The following PDE7B variants were observed in gnomAD, a reference collection of about 807,000 sequenced individuals.
PDE7B encodes phosphodiesterase 7B, also known as 3',5'-cyclic-AMP phosphodiesterase 7B.
A neutral mutation model predicts 56.2 loss-of-function variants in PDE7B; 29 were observed. The ratio of observed to expected loss-of-function variants is 0.52; its 90% CI spans 0.38 to 0.70. The LOEUF (loss-of-function observed/expected upper bound fraction) is 0.70, where lower values mean the gene tolerates loss of function less well. Ranked by LOEUF, PDE7B falls within the 30% of genes least tolerant of loss-of-function variation. The pLI, the probability that PDE7B is intolerant of heterozygous loss-of-function variation, is 0.00. For synonymous variants in PDE7B, 197 were observed against 196.9 expected (o/e 1.00, Z 0.00); for missense variants, 490 against 565.0 (o/e 0.87, Z 1.35).
rs985315426 is a variant in PDE7B, at chr6:136,147,267, T to C, written c.167-84T>C. The C allele has an allele frequency of 6.0e-6, 5 of 834,614 alleles. No individual in the cohort carries two copies. The African/African-American group carries it at 6.8e-5, about 11-fold the overall frequency. The allele number at this position is 834,614 out of a possible 1,614,324, so 51.7% of individuals were successfully genotyped here. A position where few individuals can be genotyped will look rare whatever the true frequency, so the allele number is the denominator to read the frequency against. ...GAAAGCATCTTTTAAATTTCTCTTC[T>C]TTTAATGCATTTATTTTTACAGAGT... On this transcript the variant is annotated intron_variant, in intron 3 of 12. Transcript: ENST00000308191.
chr6:136,063,934 TC>T (rs1369049998), intron 2 of PDE7B, among the ~76,000 whole-genome samples: 1 of 152,142 alleles, frequency 6.6e-6, no homozygotes, highest in Admixed American at 6.5e-5. Flanking sequence ...CATAATAAAT[TC>T]CCCTCCAACA....
intron 1 of PDE7B, among the ~76,000 whole-genome samples, chr6:135,869,026 A>G (rs1218824675): frequency 6.6e-6 from 1 of 152,194 alleles, no homozygotes; most frequent in Non-Finnish European, 1.5e-5. Context: ...CTTTTGGCCA[A>G]AAAAGTAAAT....
Position 136,156,000 on chromosome 6 carries a change from T to C in PDE7B, c.711+242T>C, listed in dbSNP as rs1332205888. ...GAGGAATTAGCTCATGTCGATACAA[T>C]TGTTTTTTAAAATCTCTAAAGAGTA... On this transcript the variant is annotated intron_variant, in intron 8 of 12. Coordinates refer to ENST00000308191, the MANE Select transcript of PDE7B (RefSeq NM_018945.4). 4 of 617,776 alleles carry C rather than the reference T, an allele frequency of 6.5e-6. No homozygotes were observed. The East Asian group carries it at 1.0e-4, about 16-fold the overall frequency. 38.3% of individuals were successfully genotyped at this position (617,776 alleles called of 1,614,324 possible).
chr6:135,889,354 T>C (rs1320123987), intron 1 of PDE7B, among the ~76,000 whole-genome samples: 3 of 151,906 alleles, frequency 2.0e-5, no homozygotes. Flanking sequence ...TCACCCAGGC[T>C]TCTGACCTCA....
At chr6:136,091,464 G>C (rs1421857994) in intron 2 of PDE7B, among the ~76,000 whole-genome samples, 2 of 152,238 alleles carry the variant, frequency 1.3e-5, no homozygotes, top group Non-Finnish European at 2.9e-5. Flanking sequence ...TGTCAGACCA[G>C]AGAAATATAA....
At chr6:135,938,931 G>A (rs1459789629) in intron 1 of PDE7B, among the ~76,000 whole-genome samples, 1 of 152,178 alleles carries the variant, frequency 6.6e-6, no homozygotes, top group African/African-American at 2.4e-5. Context: ...CCAAGTTTTG[G>A]TTCATAATAA....
intron 2 of PDE7B, among the ~76,000 whole-genome samples, chr6:136,069,431 A>C (rs1466945083): frequency 6.6e-6 from 1 of 152,230 alleles, no homozygotes; most frequent in Non-Finnish European, 1.5e-5. Flanking sequence ...TGCATCCTCC[A>C]TCAACAAGTC....
At chr6:136,152,927 A>G (rs935892171) in intron 6 of PDE7B, among the ~76,000 whole-genome samples, 12 of 152,176 alleles carry the variant, frequency 7.9e-5, no homozygotes, top group African/African-American at 2.7e-4. Flanking sequence ...TGCTATCCCC[A>G]TTTTACAGAG....
chr6:135,853,614 A>G (rs1562410349), intron 1 of PDE7B, among the ~76,000 whole-genome samples: 1 of 152,210 alleles, frequency 6.6e-6, no homozygotes, highest in East Asian at 1.9e-4. Context: ...TCTGCCTTGT[A>G]AGAATTTTTA....
intron 2 of PDE7B, among the ~76,000 whole-genome samples, chr6:135,952,574 A>G (rs531758944): frequency 4.3e-4 from 65 of 152,246 alleles, no homozygotes; most frequent in African/African-American, 1.5e-3. Flanking sequence ...GATAAAGGCT[A>G]CAGAAGAAAT....
At chr6:136,013,728 C>T (rs1470573757) in intron 2 of PDE7B, among the ~76,000 whole-genome samples, 1 of 152,158 alleles carries the variant, frequency 6.6e-6, no homozygotes, top group Non-Finnish European at 1.5e-5. Flanking sequence ...ATGAGAAGAA[C>T]TCGAAGCAAT....
chr6:136,005,574 C>T (rs2128206555), intron 2 of PDE7B, among the ~76,000 whole-genome samples: 1 of 152,324 alleles, frequency 6.6e-6, no homozygotes, highest in African/African-American at 2.4e-5. Context: ...CAAAAGAAGA[C>T]ATTTGTGCAG....
intron 2 of PDE7B, among the ~76,000 whole-genome samples, chr6:136,057,971 A>T (rs1776767727): frequency 6.6e-6 from 1 of 152,160 alleles, no homozygotes; most frequent in African/African-American, 2.4e-5. Context: ...TCCTGACCTC[A>T]GGTAATCCTT....
intron 3 of PDE7B, among the ~76,000 whole-genome samples, chr6:136,139,688 T>A (rs1778283361): frequency 6.6e-6 from 1 of 152,328 alleles, no homozygotes. Flanking sequence ...GGTATCTCAT[T>A]GTGGTTTTGA....
intron 2 of PDE7B, chr6:136,094,567 C>G (rs770479827): frequency 6.6e-5 from 10 of 152,464 alleles, no homozygotes; most frequent in Non-Finnish European, 1.3e-4. Context: ...TGCAGACCTA[C>G]CCCACCCCTG....
At chr6:136,011,478 T>A (rs1775894729) in intron 2 of PDE7B, among the ~76,000 whole-genome samples, 1 of 152,168 alleles carries the variant, frequency 6.6e-6, no homozygotes, top group Non-Finnish European at 1.5e-5. Context: ...TTTAAACAGA[T>A]CTCTTATTAT....
chr6:136,003,582 A>C (rs1775715061), intron 2 of PDE7B, among the ~76,000 whole-genome samples: 1 of 152,218 alleles, frequency 6.6e-6, no homozygotes, highest in African/African-American at 2.4e-5. Flanking sequence ...ACCTCTATGC[A>C]AATAAACTAG....
At chr6:136,014,033 T>C (rs74665351) in intron 2 of PDE7B, among the ~76,000 whole-genome samples, 2,027 of 152,294 alleles carry the variant, frequency 0.013, 55 homozygotes, top group African/African-American at 0.045. Flanking sequence ...GACCAATTCA[T>C]TTATGTCTCA....
intron 8 of PDE7B, 114 bp downstream of exon 8, chr6:136,155,872 A>ATCTAGGC: frequency 8.9e-7 from 1 of 1,120,036 alleles, no homozygotes; most frequent in Non-Finnish European, 1.3e-6. Context: ...TAGAAGTTCA[A>ATCTAGGC]AGACGAATGA....
Sources: gnomAD v4.1 joint callset for allele counts (sites outside exome capture counted in the v4.1 genomes callset) on GRCh38, gnomAD v4.1.1 for gene constraint, MANE v1.5 for transcripts, NCBI Gene and HGNC (gene_info 2026-07-23, HGNC 2026-07-21) for gene names.